The following THSD4 variants were observed in gnomAD, a reference collection of about 807,000 sequenced individuals.
The protein encoded by THSD4 is thrombospondin type-1 domain-containing protein 4.
Under a neutral mutation model 119.0 loss-of-function variants are expected in THSD4, and 69 were observed. That is an observed-to-expected ratio of 0.58 (90% CI 0.48 to 0.71). The LOEUF (loss-of-function observed/expected upper bound fraction) is 0.71. Ranked by LOEUF, THSD4 falls within the 30% of genes least tolerant of loss-of-function variation. THSD4 has a pLI of 0.00. For synonymous variants in THSD4, 524 were observed against 540.4 expected, an observed-to-expected ratio of 0.97 and a Z score of 0.42; for missense variants, 1,393 against 1,391.1, an observed-to-expected ratio of 1.00 and a Z score of -0.02.
At chr15:71,148,616 C>T (rs564868757) in intron 2 of THSD4, among the ~76,000 whole-genome samples, 3 of 152,250 alleles carry the variant, frequency 2.0e-5, no homozygotes, top group East Asian at 1.9e-4. Flanking sequence ...ATTGCGTCCA[C>T]CTAGTTTCTG....
chr15:71,100,836 C>T (rs1054298643), intron 1 of THSD4, among the ~76,000 whole-genome samples: 4 of 151,948 alleles, frequency 2.6e-5, no homozygotes, highest in South Asian at 4.1e-4. Flanking sequence ...CAAAAATAGC[C>T]AGGCATGGTG....
intron 7 of THSD4, among the ~76,000 whole-genome samples, chr15:71,552,285 G>T (rs528351448): frequency 2.6e-5 from 4 of 152,266 alleles, no homozygotes; most frequent in East Asian, 3.9e-4. Flanking sequence ...TTTTTATGAC[G>T]TGTCATTTAG....
intron 16 of THSD4, among the ~76,000 whole-genome samples, chr15:71,768,276 C>CAAAAAAAAAAA (rs1555451045): frequency 6.5e-4 from 97 of 150,174 alleles, no homozygotes; most frequent in Non-Finnish European, 1.2e-3. Flanking sequence ...ACAAAAAAAA[C>CAAAAAAAAAAA]CAAAAAAAAA....
At position 71,447,109 on chromosome 15, in the gene THSD4, A is replaced by ATTTT. The variant is rs1491223591; in HGVS notation, c.1152+35291_1152+35294dup. ...TGTCCTCTGTTGCCCTCTTCCCTCC[A>ATTTT]TTTTTTTTGTTTTTTTTTTTTTTTT... On this transcript the variant is annotated intron_variant, in intron 7 of 17. Transcript: ENST00000261862. Among the ~76,000 whole-genome samples, 175 of 69,442 alleles carry ATTTT rather than the reference A, an allele frequency of 2.5e-3. 16 individuals are homozygous for ATTTT. The highest frequency in any genetic ancestry group is 0.01 in the Middle Eastern group (1 of 100). The allele number at this position is 69,442 out of a possible 152,430, so 45.6% of individuals were successfully genotyped here.
At chr15:71,721,362 C>T (rs1567118318) in intron 8 of THSD4, among the ~76,000 whole-genome samples, 1 of 152,164 alleles carries the variant, frequency 6.6e-6, no homozygotes, top group Non-Finnish European at 1.5e-5. Context: ...CAAAAATTAG[C>T]TGGGCATGGT....
chr15:71,300,986 G>A (rs924516854), intron 6 of THSD4, among the ~76,000 whole-genome samples: 1 of 152,216 alleles, frequency 6.6e-6, no homozygotes, highest in Non-Finnish European at 1.5e-5. Flanking sequence ...ATTTGCTAAA[G>A]TAGGTGTTGT....
intron 7 of THSD4, among the ~76,000 whole-genome samples, chr15:71,650,011 T>A (rs374368629): frequency 6.6e-6 from 1 of 152,176 alleles, no homozygotes; most frequent in Non-Finnish European, 1.5e-5. Flanking sequence ...TTGGAACTAC[T>A]TAATATAGAG....
intron 7 of THSD4, among the ~76,000 whole-genome samples, chr15:71,543,257 GA>G (rs2048787062): frequency 6.6e-6 from 1 of 152,104 alleles, no homozygotes; most frequent in Non-Finnish European, 1.5e-5. Context: ...TATTTCAAAA[GA>G]AAAAAGTTAG....
chr15:71,320,443 A>C (rs969887345), intron 6 of THSD4, among the ~76,000 whole-genome samples: 2 of 152,196 alleles, frequency 1.3e-5, no homozygotes, highest in African/African-American at 4.8e-5. Context: ...AGCTTCTGGC[A>C]AGCTGAACTC....
At chr15:71,773,200 C>CAAAAAAAAAAAAAAAAAAAAAAAA (rs5813665) in intron 17 of THSD4, among the ~76,000 whole-genome samples, 1 of 54,064 alleles carries the variant, frequency 1.8e-5, no homozygotes, top group African/African-American at 6.8e-5. Context: ...GACCATGTCT[C>CAAAAAAAAAAAAAAAAAAAAAAAA]AAAAAAAAAA....
chr15:71,703,131 T>G (rs544656911), intron 8 of THSD4, among the ~76,000 whole-genome samples: 197 of 152,248 alleles, frequency 1.3e-3, no homozygotes, highest in African/African-American at 4.3e-3. Context: ...TGTACCACCA[T>G]GCCCAGCTAA....
At chr15:71,736,143 C>G (rs1267940334) in intron 10 of THSD4, among the ~76,000 whole-genome samples, 1 of 130,600 alleles carries the variant, frequency 7.7e-6, no homozygotes, top group African/African-American at 2.7e-5. Flanking sequence ...CTTGCTCTCT[C>G]TCCGTCTCTC....
intron 7 of THSD4, among the ~76,000 whole-genome samples, chr15:71,450,619 G>A (rs1412882696): frequency 6.6e-6 from 1 of 152,222 alleles, no homozygotes; most frequent in African/African-American, 2.4e-5. Context: ...TGGAGTCTGT[G>A]GAGGTGTAAC....
intron 4 of THSD4, among the ~76,000 whole-genome samples, chr15:71,240,181 A>G (rs1049930190): frequency 3.0e-4 from 46 of 152,176 alleles, no homozygotes; most frequent in Admixed American, 2.9e-3. Flanking sequence ...TACACAAGTC[A>G]TCAGCCAACA....
chr15:71,216,676 TTC>T (rs373771662), intron 4 of THSD4, among the ~76,000 whole-genome samples: 2 of 152,212 alleles, frequency 1.3e-5, no homozygotes, highest in Admixed American at 1.3e-4. Flanking sequence ...GAATGCTTCC[TTC>T]TCTCTCTCTT....
chr15:71,714,276 G>C (rs12900381), intron 8 of THSD4, among the ~76,000 whole-genome samples: 3 of 151,802 alleles, frequency 2.0e-5, no homozygotes, highest in Non-Finnish European at 2.9e-5. Context: ...GTGTGTTGGG[G>C]GGGGAGGGGT....
intron 14 of THSD4, among the ~76,000 whole-genome samples, chr15:71,750,000 A>T (rs1384053705): frequency 2.0e-5 from 3 of 152,168 alleles, no homozygotes; most frequent in Non-Finnish European, 4.4e-5. Flanking sequence ...AAGCCCTGGA[A>T]TTGTAGGCAT....
intron 7 of THSD4, among the ~76,000 whole-genome samples, chr15:71,636,759 A>G (rs950271440): frequency 6.6e-6 from 1 of 151,282 alleles, no homozygotes; most frequent in Non-Finnish European, 1.5e-5. Flanking sequence ...GTCCCCGAGG[A>G]CCTCCCAGCC....
At chr15:71,515,377 T>C (rs1422173311) in intron 7 of THSD4, among the ~76,000 whole-genome samples, 1 of 152,136 alleles carries the variant, frequency 6.6e-6, no homozygotes, top group East Asian at 1.9e-4. Context: ...ATGATTGATG[T>C]TTGAGTGTAG....
Sources: gnomAD v4.1 joint callset for allele counts (sites outside exome capture counted in the v4.1 genomes callset) on GRCh38, gnomAD v4.1.1 for gene constraint, MANE v1.5 for transcripts, NCBI Gene and HGNC (gene_info 2026-07-23, HGNC 2026-07-21) for gene names.